GPR137C: variants seen among roughly 807,000 people sequenced by gnomAD.
GPR137C encodes the protein integral membrane protein GPR137C.
In GPR137C, 27 loss-of-function variants were observed where a neutral mutation model predicts 43.4. That is an observed-to-expected ratio of 0.62 (90% CI 0.46 to 0.86). The LOEUF is 0.86. Among genes scored for constraint, GPR137C ranks in the 40% least tolerant of loss-of-function variants. The pLI is 0.00. For synonymous variants in GPR137C, 285 were observed against 226.9 expected (o/e 1.26, Z -2.30); for missense variants, 522 against 534.6 (o/e 0.98, Z 0.23).
At chr14:52,623,575 T>C (rs1478688892) in intron 3 of GPR137C, among the ~76,000 whole-genome samples, 1 of 152,178 alleles carries the variant, frequency 6.6e-6, no homozygotes, top group Non-Finnish European at 1.5e-5. Flanking sequence ...ATGCTGCAGC[T>C]TAACTTGGAC....
intron 3 of GPR137C, among the ~76,000 whole-genome samples, chr14:52,601,871 A>C (rs79651806): frequency 0.055 from 8,327 of 151,986 alleles, 260 homozygotes; most frequent in Middle Eastern, 0.075. Context: ...TAATACTCTG[A>C]ATAAAAGTCA....
rs990026793 is a variant in GPR137C at position 52,582,077 on chromosome 14, A to G, written c.445-16195A>G. On this transcript the variant is annotated intron_variant, in intron 1 of 6. Coordinates refer to ENST00000321662, the MANE Select transcript of GPR137C (RefSeq NM_001099652.2). ...GGGTAGTTTATAAGAAAACAAATTT[A>G]TTTCTCACCATTCTGGAGGCTGGAA... Among the ~76,000 whole-genome samples, 17 of 152,238 alleles carry G rather than the reference A, an allele frequency of 1.1e-4. No individual in the cohort carries two copies. In the South Asian group the frequency reaches 1.2e-3, roughly 11 times the overall value.
chr14:52,604,448 T>C (rs1490527962), intron 3 of GPR137C, among the ~76,000 whole-genome samples: 1 of 151,796 alleles, frequency 6.6e-6, no homozygotes. Context: ...ATGGGGCTTT[T>C]TTTTTTTTCT....
intron 1 of GPR137C, among the ~76,000 whole-genome samples, chr14:52,568,649 T>A (rs924416924): frequency 6.6e-6 from 1 of 152,116 alleles, no homozygotes; most frequent in Non-Finnish European, 1.5e-5. Flanking sequence ...TAGGCGATTT[T>A]CCCCTCAGGG....
At chr14:52,630,361 G>A (rs2039280531) in intron 3 of GPR137C, among the ~76,000 whole-genome samples, 1 of 152,044 alleles carries the variant, frequency 6.6e-6, no homozygotes, top group African/African-American at 2.4e-5. Flanking sequence ...AATTCTTACA[G>A]CATCCTGTTT....
At chr14:52,571,972 T>C (rs2038477951) in intron 1 of GPR137C, among the ~76,000 whole-genome samples, 1 of 152,116 alleles carries the variant, frequency 6.6e-6, no homozygotes, top group Non-Finnish European at 1.5e-5. Flanking sequence ...CAAACACCTG[T>C]ACACAAATAA....
intron 3 of GPR137C, among the ~76,000 whole-genome samples, chr14:52,623,408 T>C (rs1279168273): frequency 2.0e-5 from 3 of 152,202 alleles, no homozygotes; most frequent in Non-Finnish European, 4.4e-5. Context: ...CAATGCGATA[T>C]AATAACTTAG....
intron 1 of GPR137C, among the ~76,000 whole-genome samples, chr14:52,576,899 A>G (rs1403911023): frequency 2.0e-5 from 3 of 152,138 alleles, no homozygotes; most frequent in Non-Finnish European, 4.4e-5. Flanking sequence ...TCTCAATACT[A>G]TGTAAATAGG....
rs17125593 is a variant in GPR137C, at chr14:52,632,111, C to T, written c.718-49C>T. Reference sequence around the variant, plus strand: ...TATTGTATGTACATGAATAGCTTGTCGTGACAAATGTGTAGAATACTAAAG... The same window carrying T: ...TATTGTATGTACATGAATAGCTTGTTGTGACAAATGTGTAGAATACTAAAG... On this transcript the variant is annotated intron_variant, in intron 3 of 6. Transcript: ENST00000321662. 6,825 of 1,352,848 alleles carry T rather than the reference C, an allele frequency of 5.0e-3. 263 individuals carry two copies. The African/African-American group carries it at 0.086, about 17-fold the overall frequency. 83.8% of individuals were successfully genotyped at this position (1,352,848 alleles called of 1,614,324 possible).
chr14:52,609,673 C>T lies in GPR137C; in HGVS notation c.717+9332C>T, dbSNP rs114810431. Reference sequence around the variant, plus strand: ...GCTTGCTCCATGTCTTGTGAGGGCTCGGAAGTTGATGCCAATTTCTGGCCC... The same window carrying T: ...GCTTGCTCCATGTCTTGTGAGGGCTTGGAAGTTGATGCCAATTTCTGGCCC... On this transcript the variant is annotated intron_variant, in intron 3 of 6. Coordinates refer to ENST00000321662, the MANE Select transcript of GPR137C (RefSeq NM_001099652.2). 7.7e-3 allele frequency among the ~76,000 whole-genome samples: 1,166 copies of T among 152,236 alleles called. 17 individuals carry two copies. Among genetic ancestry groups the T allele is most frequent in the African/African-American group, 0.027 (1,110 of 41,538 alleles).
intron 1 of GPR137C, among the ~76,000 whole-genome samples, chr14:52,573,939 CATTT>C (rs1566606706): frequency 6.6e-6 from 1 of 152,070 alleles, no homozygotes; most frequent in Non-Finnish European, 1.5e-5. Context: ...CAAAAGAAGA[CATTT>C]ATGTGGCCAC....
chr14:52,564,528 T>G (rs2038336879), intron 1 of GPR137C, among the ~76,000 whole-genome samples: 1 of 152,118 alleles, frequency 6.6e-6, no homozygotes, highest in Non-Finnish European at 1.5e-5. Flanking sequence ...CCTCCTTTGC[T>G]TAGTTAACTC....
intron 1 of GPR137C, among the ~76,000 whole-genome samples, chr14:52,568,903 T>A (rs1233083373): frequency 1.3e-5 from 2 of 152,196 alleles, no homozygotes; most frequent in African/African-American, 4.8e-5. Context: ...TGCCGGCTCT[T>A]AAGAGAGCAG....
chr14:52,576,560 T>C (rs534158027), intron 1 of GPR137C, among the ~76,000 whole-genome samples: 1 of 152,344 alleles, frequency 6.6e-6, no homozygotes, highest in South Asian at 2.1e-4. Context: ...CATTAAGTTG[T>C]ACTGAAAGAG....
intron 3 of GPR137C, among the ~76,000 whole-genome samples, chr14:52,601,214 C>A (rs114384483): frequency 2.0e-5 from 3 of 152,130 alleles, no homozygotes; most frequent in African/African-American, 7.2e-5. Context: ...TACATTTTTA[C>A]AATCACTTCC....
intron 1 of GPR137C, among the ~76,000 whole-genome samples, chr14:52,581,800 A>G (rs1358011642): frequency 6.6e-6 from 1 of 152,198 alleles, no homozygotes; most frequent in African/African-American, 2.4e-5. Flanking sequence ...TTTTTGCATC[A>G]ATTTCAAATT....
intron 3 of GPR137C, among the ~76,000 whole-genome samples, chr14:52,618,424 G>C (rs1316627824): frequency 6.6e-6 from 1 of 151,996 alleles, no homozygotes; most frequent in African/African-American, 2.4e-5. Context: ...CACTAACTTA[G>C]GCAAAGTTTT....
Position 52,583,898 on chromosome 14 carries a change from A to G in GPR137C, c.445-14374A>G, listed in dbSNP as rs373504202. The stretch of plus-strand genomic sequence containing the variant: ...ATTTCTATTTGAGCCACCCAGTAGC[A>G]TGACCACACCTTGGATCAGCTCTTA... On this transcript the variant is annotated intron_variant, in intron 1 of 6. Transcript: ENST00000321662. Among the ~76,000 whole-genome samples the G allele has an allele frequency of 5.0e-4, 76 of 152,198 alleles. 1 individual carries two copies. In the South Asian group the frequency reaches 0.015, roughly 30 times the overall value.
Position 52,634,950 on chromosome 14 carries a change from G to C in GPR137C, c.1125G>C (p.Ser375=). The C allele has an allele frequency of 6.2e-7, 1 of 1,611,206 alleles. No homozygotes were observed. Among genetic ancestry groups the C allele is most frequent in the Non-Finnish European group, 8.5e-7 (1 of 1,178,876 alleles). The change falls in exon 7 of 7, where the codon TCG becomes TCC. Residue 375 remains serine, a synonymous_variant. Coordinates refer to ENST00000321662, the MANE Select transcript of GPR137C (RefSeq NM_001099652.2). Reference sequence around the variant, plus strand: ...TTTTTTGTTGCAGTTTACCAAATTCGCAAAGTTTGGGCTGGTATGGCACCA... The same window carrying C: ...TTTTTTGTTGCAGTTTACCAAATTCCCAAAGTTTGGGCTGGTATGGCACCA... ...GSSREGSLPN[S]QSLGWYGTMT...
Sources: gnomAD v4.1 joint callset for allele counts (sites outside exome capture counted in the v4.1 genomes callset) on GRCh38, gnomAD v4.1.1 for gene constraint, MANE v1.5 for transcripts, NCBI Gene and HGNC (gene_info 2026-07-23, HGNC 2026-07-21) for gene names.